Variants in KAZN observed in about 807,000 individuals in gnomAD.
KAZN encodes kazrin.
A neutral mutation model predicts 87.4 loss-of-function variants in KAZN; 40 were observed. The observed-to-expected ratio is 0.46, with a 90% confidence interval of 0.36 to 0.60. The LOEUF is 0.60. KAZN is among the 20% of genes least tolerant of loss of function. The probability of loss-of-function intolerance (pLI) is 0.00; values close to 1 mark genes in which losing one functional copy is unlikely to be tolerated. For missense variants in KAZN, 898 were observed against 1,073.9 expected (o/e 0.84, Z 2.29); for synonymous variants, 466 against 458.3 (o/e 1.02, Z -0.22).
At chr1:14,240,821 A>G (rs1162102309) in intron 2 of KAZN, among the ~76,000 whole-genome samples, 2 of 152,204 alleles carry the variant, frequency 1.3e-5, no homozygotes, top group Non-Finnish European at 2.9e-5. Context: ...AGGATTTCAG[A>G]ATGTTCCACT....
intron 1 of KAZN, among the ~76,000 whole-genome samples, chr1:14,741,127 G>A (rs1483639163): frequency 1.5e-4 from 23 of 152,210 alleles, no homozygotes; most frequent in Admixed American, 1.4e-3. Flanking sequence ...TTGCTGGAGC[G>A]GGTCGTTTAT....
intron 1 of KAZN, among the ~76,000 whole-genome samples, chr1:13,994,885 A>G (rs952682539): frequency 6.6e-6 from 1 of 152,018 alleles, no homozygotes; most frequent in African/African-American, 2.4e-5. Flanking sequence ...CAAACAAACA[A>G]ACAAACAAAC....
intron 2 of KAZN, among the ~76,000 whole-genome samples, chr1:14,528,337 C>CAAAAAA (rs33960231): frequency 9.5e-4 from 47 of 49,226 alleles, no homozygotes; most frequent in Non-Finnish European, 1.0e-3. Flanking sequence ...GACTCCATCT[C>CAAAAAA]AAAAAAAAAA....
At chr1:14,581,291 A>G (rs1014178429) in intron 2 of KAZN, among the ~76,000 whole-genome samples, 6 of 152,180 alleles carry the variant, frequency 3.9e-5, no homozygotes, top group Non-Finnish European at 7.3e-5. Context: ...ACTTGCTTAA[A>G]TACAAGCATT....
At chr1:14,153,282 T>C (rs10803466) in intron 1 of KAZN, among the ~76,000 whole-genome samples, 63,628 of 152,060 alleles carry the variant, frequency 0.42, 13,797 homozygotes, top group African/African-American at 0.53. Context: ...AGATCAATGC[T>C]CTGGAGAGTT....
intron 1 of KAZN, among the ~76,000 whole-genome samples, chr1:14,156,956 T>C (rs1445042831): frequency 6.6e-6 from 1 of 151,732 alleles, no homozygotes; most frequent in African/African-American, 2.4e-5. Context: ...AGGTGATGTT[T>C]CTTTGGTGAT....
chr1:14,864,505 T>C (rs180997505), intron 1 of KAZN, among the ~76,000 whole-genome samples: 2 of 152,248 alleles, frequency 1.3e-5, no homozygotes, highest in East Asian at 3.9e-4. Flanking sequence ...GAGGTTGCAG[T>C]GAGCAGAGAT....
chr1:14,729,062 G>C (rs1003817456), intron 1 of KAZN, among the ~76,000 whole-genome samples: 3 of 152,138 alleles, frequency 2.0e-5, no homozygotes, highest in Non-Finnish European at 2.9e-5. Context: ...CGTGACCCTT[G>C]ACCCTATCCT....
At chr1:13,926,071 T>G (rs978114761) in intron 1 of KAZN, among the ~76,000 whole-genome samples, 1 of 150,688 alleles carries the variant, frequency 6.6e-6, no homozygotes, top group Non-Finnish European at 1.5e-5. Flanking sequence ...TCTCCCTTTG[T>G]TTTTTTTCAT....
intron 2 of KAZN, among the ~76,000 whole-genome samples, chr1:14,543,380 C>G (rs962346264): frequency 1.3e-5 from 2 of 152,164 alleles, no homozygotes; most frequent in Non-Finnish European, 2.9e-5. Context: ...TAGCTCTGCT[C>G]TGGGAGATGC....
At chr1:14,838,538 A>G (rs1647553837) in intron 1 of KAZN, among the ~76,000 whole-genome samples, 1 of 152,158 alleles carries the variant, frequency 6.6e-6, no homozygotes, top group Admixed American at 6.5e-5. Flanking sequence ...TCACAAAACC[A>G]TGCTCAATTA....
chr1:14,573,914 A>G (rs1178028478), intron 2 of KAZN, among the ~76,000 whole-genome samples: 1 of 152,108 alleles, frequency 6.6e-6, no homozygotes, highest in Admixed American at 6.5e-5. Context: ...TAAGATAAAT[A>G]TGTTACCAAT....
At chr1:14,799,254 G>A (rs1251661937) in intron 1 of KAZN, among the ~76,000 whole-genome samples, 1 of 152,142 alleles carries the variant, frequency 6.6e-6, no homozygotes, top group African/African-American at 2.4e-5. Flanking sequence ...GTTCAGAATG[G>A]ATGCGCAATG....
rs757355706 is a variant in KAZN, at chr1:15,099,802, G to A, written c.1548-1741G>A. On this transcript the variant is annotated intron_variant, in intron 10 of 14. Transcript: ENST00000376030. The surrounding 1 kb of genome is among the most constrained non-coding windows in gnomAD (Gnocchi z 5.4). ...TAGAAGGGAAGCAAAGGCAGGAAAC[G>A]GGGAGCAGCCGGGGAAAGTGGCAGA... Among the ~76,000 whole-genome samples, 26 of 152,180 alleles carry A rather than the reference G, an allele frequency of 1.7e-4. No homozygotes were observed. The highest frequency in any genetic ancestry group is 4.3e-4 in the African/African-American group (18 of 41,440).
intron 1 of KAZN, among the ~76,000 whole-genome samples, chr1:14,750,485 G>A: frequency 6.6e-6 from 1 of 151,952 alleles, no homozygotes; most frequent in East Asian, 1.9e-4. Flanking sequence ...ATGCCTAGGA[G>A]TGCTCATAAC....
At position 14,066,019 on chromosome 1, in the gene KAZN, A is replaced by G. The variant is rs78927671; in HGVS notation, c.92-114416A>G. Among the ~76,000 whole-genome samples, 470 of 152,232 alleles carry G rather than the reference A, an allele frequency of 3.1e-3. 4 individuals are homozygous for G. Among genetic ancestry groups the G allele is most frequent in the Middle Eastern group, 0.027 (8 of 292 alleles). On this transcript the variant is annotated intron_variant, in intron 1 of 16. Coordinates refer to the KAZN transcript ENST00000636203. ...CTTCTGAATCTCTGCTGTCCATTATACCACTCCGTATGCCTTTGCTACCCA... is the reference window on the plus strand; with the variant it reads ...CTTCTGAATCTCTGCTGTCCATTATGCCACTCCGTATGCCTTTGCTACCCA...
At chr1:14,461,412 T>G (rs1347384379) in intron 2 of KAZN, among the ~76,000 whole-genome samples, 1 of 152,194 alleles carries the variant, frequency 6.6e-6, no homozygotes. Flanking sequence ...CCCCTTTCAC[T>G]TGGCTCTCAT....
intron 2 of KAZN, among the ~76,000 whole-genome samples, chr1:14,586,366 C>T (rs1675846770): frequency 6.6e-6 from 1 of 152,150 alleles, no homozygotes; most frequent in Non-Finnish European, 1.5e-5. Flanking sequence ...CCACCATGGT[C>T]CTGGGCTCAC....
chr1:14,609,947 A>G (rs1205021192), intron 1 of KAZN, among the ~76,000 whole-genome samples: 2 of 152,208 alleles, frequency 1.3e-5, no homozygotes, highest in African/African-American at 4.8e-5. Context: ...CCCATAGCTC[A>G]TGGCTGGGTG....
Sources: allele counts gnomAD v4.1 joint callset (sites outside exome capture counted in the v4.1 genomes callset), GRCh38; gene constraint gnomAD v4.1.1; non-coding constraint Gnocchi (gnomAD v3.1); transcripts MANE v1.5; gene names NCBI Gene and HGNC (gene_info 2026-07-23, HGNC 2026-07-21).